Variants in TEK observed in about 807,000 individuals in gnomAD.
TEK encodes angiopoietin-1 receptor.
In TEK, 43 loss-of-function variants were observed where a neutral mutation model predicts 131.8. The ratio of observed to expected loss-of-function variants is 0.33; its 90% CI spans 0.26 to 0.42. The LOEUF is 0.42. Among genes scored for constraint, TEK ranks in the 10% least tolerant of loss-of-function variants. TEK has a pLI of 1.00. For synonymous variants in TEK, 580 were observed against 491.6 expected (o/e 1.18, Z -2.38); for missense variants, 1,162 against 1,384.4 (o/e 0.84, Z 2.55).
At chr9:27,112,336 A>G (rs1297401607) in intron 1 of TEK, among the ~76,000 whole-genome samples, 3 of 152,170 alleles carry the variant, frequency 2.0e-5, no homozygotes, top group Non-Finnish European at 2.9e-5. Flanking sequence ...TCAGAAGGCT[A>G]GTGTCAAGTC....
chr9:27,220,226 C>A, intron 21 of TEK, 81 bp downstream of exon 21: 3 of 1,349,714 alleles, frequency 2.2e-6, no homozygotes, highest in Non-Finnish European at 3.2e-6. Flanking sequence ...CTAGCAAAGT[C>A]AGCCGGTATA....
chr9:27,135,002 A>G (rs745921856), intron 1 of TEK, among the ~76,000 whole-genome samples: 18 of 152,174 alleles, frequency 1.2e-4, no homozygotes, highest in Non-Finnish European at 2.2e-4. Flanking sequence ...AGGCAGGTGG[A>G]TCACCTGACG....
intron 2 of TEK, among the ~76,000 whole-genome samples, chr9:27,158,827 T>G (rs947693181): frequency 2.0e-5 from 3 of 151,492 alleles, no homozygotes; most frequent in African/African-American, 7.3e-5. Flanking sequence ...ACCCAGCTAA[T>G]TTTTTATATT....
At chr9:27,176,476 T>C (rs574804188) in intron 6 of TEK, among the ~76,000 whole-genome samples, 2 of 152,356 alleles carry the variant, frequency 1.3e-5, no homozygotes, top group South Asian at 4.1e-4. Flanking sequence ...TCCTTTATGC[T>C]TATTAATAGT....
intron 13 of TEK, among the ~76,000 whole-genome samples, chr9:27,203,605 C>T (rs149983514): frequency 1.3e-5 from 2 of 152,142 alleles, no homozygotes. Context: ...GTGATTTGAG[C>T]TAGATAGAGA....
At chr9:27,127,756 T>C (rs1443709334) in intron 1 of TEK, among the ~76,000 whole-genome samples, 1 of 152,268 alleles carries the variant, frequency 6.6e-6, no homozygotes, top group African/African-American at 2.4e-5. Context: ...TTCATGTTTG[T>C]TGGCTGCATA....
At chr9:27,207,349 A>G (rs1587015037) in intron 15 of TEK, among the ~76,000 whole-genome samples, 1 of 152,182 alleles carries the variant, frequency 6.6e-6, no homozygotes, top group Non-Finnish European at 1.5e-5. Flanking sequence ...CCTTGACTAC[A>G]TCTGAGTTTC....
chr9:27,123,910 G>C (rs1201165757), intron 1 of TEK, among the ~76,000 whole-genome samples: 2 of 152,134 alleles, frequency 1.3e-5, no homozygotes, highest in Admixed American at 1.3e-4. Context: ...CTGAGTAATT[G>C]GGATTACAGG....
At chr9:27,204,333 T>C (rs549621326) in intron 13 of TEK, among the ~76,000 whole-genome samples, 11 of 152,342 alleles carry the variant, frequency 7.2e-5, no homozygotes, top group Admixed American at 6.5e-4. Flanking sequence ...TCTTTAATAG[T>C]TTATTTTGAC....
intron 14 of TEK, 87 bp from the exon 15 acceptor site, chr9:27,206,495 C>A: frequency 7.4e-7 from 1 of 1,357,454 alleles, no homozygotes; most frequent in Non-Finnish European, 1.0e-6. Context: ...CTTTTTTCAT[C>A]TGGTGTGGAT....
chr9:27,212,006 A>G (rs1455256280), intron 16 of TEK, among the ~76,000 whole-genome samples: 1 of 140,818 alleles, frequency 7.1e-6, no homozygotes, highest in African/African-American at 2.9e-5. Context: ...AAAAAAAAAG[A>G]GAGAGAGAAA....
At chr9:27,206,309 A>T (rs510101) in intron 14 of TEK, among the ~76,000 whole-genome samples, 3 of 151,976 alleles carry the variant, frequency 2.0e-5, no homozygotes, top group Non-Finnish European at 4.4e-5. Context: ...AAACACATGG[A>T]ATATGTACTG....
chr9:27,168,458 A>G, intron 2 of TEK, 37 bp from the exon 3 acceptor site: 1 of 1,504,844 alleles, frequency 6.6e-7, no homozygotes, highest in African/African-American at 1.4e-5. Context: ...AAAATGTGTG[A>G]TCCCATTTTT....
At chr9:27,211,247 T>G (rs1587023189) in intron 16 of TEK, among the ~76,000 whole-genome samples, 1 of 29,384 alleles carries the variant, frequency 3.4e-5, no homozygotes, top group African/African-American at 1.4e-4. Context: ...ATATATGTAT[T>G]TAAGGTAAAT....
rs147053668 is a variant in TEK, at chr9:27,131,910, G to C, written c.52+22268G>C. Among the ~76,000 whole-genome samples the C allele has an allele frequency of 5.3e-5, 8 of 151,990 alleles. No homozygotes were observed. The East Asian group carries it at 1.5e-3, about 29-fold the overall frequency. ...ATGAAAGTTATGCATCAAAATGTCA[G>C]CAAGGGTTAAAATGTTCCTTTCTAA... On this transcript the variant is annotated intron_variant, in intron 1 of 22. Coordinates refer to ENST00000380036, the MANE Select transcript of TEK (RefSeq NM_000459.5).
chr9:27,204,097 A>G (rs977891524), intron 13 of TEK, among the ~76,000 whole-genome samples: 1 of 152,190 alleles, frequency 6.6e-6, no homozygotes. Flanking sequence ...AATTCAAGCT[A>G]TACATAAAAT....
chr9:27,138,775 C>T (rs144526680), intron 1 of TEK, among the ~76,000 whole-genome samples: 25 of 152,204 alleles, frequency 1.6e-4, no homozygotes, highest in East Asian at 5.8e-4. Context: ...TCCAACTTTT[C>T]GTATATGCGT....
At chr9:27,203,181 A>G in intron 13 of TEK, 62 bp downstream of exon 13, 1 of 1,573,534 alleles carries the variant, frequency 6.4e-7, no homozygotes, top group Non-Finnish European at 8.7e-7. Context: ...CAGCTGGTTT[A>G]TCAGGACAGG....
chr9:27,209,292 T>C, intron 16 of TEK, 61 bp downstream of exon 16: 1 of 1,173,446 alleles, frequency 8.5e-7, no homozygotes, highest in Non-Finnish European at 1.3e-6. Context: ...AAATTCCATA[T>C]GGATATAAGG....
Sources: gnomAD v4.1 joint callset for allele counts (sites outside exome capture counted in the v4.1 genomes callset) on GRCh38, gnomAD v4.1.1 for gene constraint, MANE v1.5 for transcripts, NCBI Gene and HGNC (gene_info 2026-07-23, HGNC 2026-07-21) for gene names.